SUGP2: variants seen among roughly 807,000 people sequenced by gnomAD.
The protein encoded by SUGP2 is SURP and G-patch domain-containing protein 2.
Under a neutral mutation model 90.5 loss-of-function variants are expected in SUGP2, and 24 were observed. The observed-to-expected ratio is 0.27, with a 90% CI of 0.19 to 0.37. The LOEUF (loss-of-function observed/expected upper bound fraction) is 0.37, where lower values mean the gene tolerates loss of function less well. SUGP2 is among the 10% of genes least tolerant of loss of function. The pLI is 1.00. For synonymous variants in SUGP2, 473 were observed against 513.4 expected, an observed-to-expected ratio of 0.92 and a Z score of 1.06; for missense variants, 1,233 against 1,363.3, an observed-to-expected ratio of 0.90 and a Z score of 1.51.
chr19:19,033,428 G>C lies in SUGP2; in HGVS notation c.-12+9C>G. 7.3e-7 allele frequency: 1 copy of C among 1,367,766 alleles called. No homozygotes were observed. Among genetic ancestry groups the C allele is most frequent in the Non-Finnish European group, 9.5e-7 (1 of 1,058,140 alleles). 84.7% of individuals were successfully genotyped at this position (1,367,766 alleles called of 1,614,324 possible). On this transcript the variant is annotated intron_variant, in intron 1 of 10. Transcript: ENST00000452918. Reference sequence around the variant, plus strand: ...CCACCCACCGACGACGCCAGGGCCCGGGCCTCACCCCGAGACCACCGCGCG... The same window carrying C: ...CCACCCACCGACGACGCCAGGGCCCCGGCCTCACCCCGAGACCACCGCGCG...
At chr19:19,011,097 C>T (rs1331273979) in intron 4 of SUGP2, among the ~76,000 whole-genome samples, 1 of 151,420 alleles carries the variant, frequency 6.6e-6, no homozygotes, top group Non-Finnish European at 1.5e-5. Flanking sequence ...TGTGATTGCA[C>T]CACTGCACTC....
At chr19:19,023,558 C>T (rs1251762514) in intron 3 of SUGP2, among the ~76,000 whole-genome samples, 1 of 152,136 alleles carries the variant, frequency 6.6e-6, no homozygotes. Flanking sequence ...AGACAGTGCT[C>T]TGTGTCTTTT....
intron 7 of SUGP2, chr19:19,003,640 T>G (rs1248675020): frequency 1.3e-5 from 2 of 153,036 alleles, no homozygotes; most frequent in East Asian, 1.9e-4. Flanking sequence ...AATGGTCCAC[T>G]TGAAAAGGGT....
chr19:18,996,666 C>A (rs1283027437), intron 8 of SUGP2, among the ~76,000 whole-genome samples: 3 of 152,206 alleles, frequency 2.0e-5, no homozygotes, highest in Non-Finnish European at 4.4e-5. Context: ...GATTCTCCTG[C>A]TTCAGCCTCC....
intron 8 of SUGP2, among the ~76,000 whole-genome samples, chr19:19,000,911 C>A (rs544934294): frequency 6.6e-6 from 1 of 151,938 alleles, no homozygotes; most frequent in African/African-American, 2.4e-5. Flanking sequence ...TTGCCTATTG[C>A]CCAGGCTGGT....
chr19:19,007,755 CTTTTT>C (rs34670209), intron 6 of SUGP2, among the ~76,000 whole-genome samples: 4 of 113,432 alleles, frequency 3.5e-5, no homozygotes, highest in African/African-American at 7.0e-5. Flanking sequence ...TGCACCTAGC[CTTTTT>C]TTTTTTTTTT....
chr19:19,028,124 A>G, intron 2 of SUGP2, among the ~76,000 whole-genome samples: 1 of 152,164 alleles, frequency 6.6e-6, no homozygotes, highest in East Asian at 1.9e-4. Flanking sequence ...GGCAGCTCCC[A>G]AACTCTGCTA....
chr19:18,994,227 C>G (rs1189081604), intron 10 of SUGP2, 139 bp downstream of exon 10: 2 of 1,202,018 alleles, frequency 1.7e-6, no homozygotes. Context: ...CTTTTGTTTC[C>G]CTCACAGAAT....
chr19:19,033,431 C>A lies in SUGP2; in HGVS notation c.-12+6G>T, dbSNP rs1401152171. 5 of 1,374,698 alleles carry A rather than the reference C, an allele frequency of 3.6e-6. No homozygotes were observed. The highest frequency in any genetic ancestry group is 3.8e-6 in the Non-Finnish European group (4 of 1,061,860). The allele number at this position is 1,374,698 out of a possible 1,614,324, so 85.2% of individuals were successfully genotyped here. On this transcript the variant is annotated splice_donor_region_variant and intron_variant, in intron 1 of 10. Coordinates refer to ENST00000452918, the MANE Select transcript of SUGP2 (RefSeq NM_001017392.5). Reference sequence around the variant, plus strand: ...CCCACCGACGACGCCAGGGCCCGGGCCTCACCCCGAGACCACCGCGCGCGG... The same window carrying A: ...CCCACCGACGACGCCAGGGCCCGGGACTCACCCCGAGACCACCGCGCGCGG...
intron 3 of SUGP2, among the ~76,000 whole-genome samples, chr19:19,020,478 C>G (rs1376108025): frequency 1.3e-5 from 2 of 149,248 alleles, no homozygotes; most frequent in Admixed American, 6.7e-5. Context: ...GGGTCTCACT[C>G]TGTTGCCCAG....
At chr19:19,005,823 T>C (rs1298000789) in intron 6 of SUGP2, among the ~76,000 whole-genome samples, 2 of 143,852 alleles carry the variant, frequency 1.4e-5, no homozygotes, top group African/African-American at 5.2e-5. Context: ...CACAGGCAAA[T>C]GCCACTATAC....
Position 18,991,567 on chromosome 19 carries a change from T to G in SUGP2, c.*2174A>C, listed in dbSNP as rs1474717508. ...TAAAGCATTTAACTTTTTAATAAAA[T>G]GAAGTGGAGAAAGTCAAGAATGAAC... On this transcript the variant is annotated 3_prime_UTR_variant, in exon 11 of 11. Coordinates refer to ENST00000452918, the MANE Select transcript of SUGP2 (RefSeq NM_001017392.5). The G allele has an allele frequency of 6.6e-6, 1 of 152,102 alleles. No homozygotes were observed. Among genetic ancestry groups the G allele is most frequent in the Non-Finnish European group, 1.5e-5 (1 of 68,038 alleles). 9.4% of individuals were successfully genotyped at this position (152,102 alleles called of 1,614,324 possible). A position where few individuals can be genotyped will look rare whatever the true frequency, so the allele number is the denominator to read the frequency against.
chr19:19,027,116 T>A (rs1422826117), intron 2 of SUGP2, among the ~76,000 whole-genome samples: 2 of 151,912 alleles, frequency 1.3e-5, no homozygotes, highest in Non-Finnish European at 2.9e-5. Context: ...CCTATCTCTG[T>A]CAAAAATAAA....
Position 19,028,371 on chromosome 19 carries a change from G to C in SUGP2, c.122-2145C>G, listed in dbSNP as rs560408787. Among the ~76,000 whole-genome samples, 4 of 152,294 alleles carry C rather than the reference G, an allele frequency of 2.6e-5. No homozygotes were observed. In the East Asian group the frequency reaches 7.7e-4, roughly 29 times the overall value. ...GGCTAGTGAAGAGTTCTAAGCAGAG[G>C]GATGATCTCACTGGCTGCTGCACAG... On this transcript the variant is annotated intron_variant, in intron 2 of 10. Transcript: ENST00000452918.
chr19:18,994,138 T>C (rs2057474908), intron 10 of SUGP2: 3 of 506,190 alleles, frequency 5.9e-6, no homozygotes, highest in East Asian at 3.9e-5. Flanking sequence ...GCCATGCGCA[T>C]CTGCCCTTGG....
chr19:19,030,398 G>A (rs1021112882), intron 2 of SUGP2, among the ~76,000 whole-genome samples: 2 of 152,102 alleles, frequency 1.3e-5, no homozygotes, highest in African/African-American at 4.8e-5. Flanking sequence ...GCTGAGGCAG[G>A]AGAATCGCTT....
At chr19:19,003,105 C>A (rs2057912666) in intron 7 of SUGP2, among the ~76,000 whole-genome samples, 1 of 152,184 alleles carries the variant, frequency 6.6e-6, no homozygotes, top group Admixed American at 6.6e-5. Context: ...CTGCGCCTGG[C>A]CCCATGAGAA....
intron 10 of SUGP2, chr19:18,994,065 C>T (rs2057471035): frequency 1.2e-5 from 3 of 254,262 alleles, no homozygotes; most frequent in Non-Finnish European, 2.3e-5. Context: ...CCTATTTCCA[C>T]ACGCACATCC....
rs1297056048 is a variant in SUGP2, at chr19:19,025,265, G to A, written c.1083C>T (p.Thr361=). The A allele has an allele frequency of 8.1e-6, 13 of 1,613,242 alleles. No homozygotes were observed. The highest frequency in any genetic ancestry group is 1.1e-5 in the Non-Finnish European group (13 of 1,180,002). The change falls in exon 3 of 11, where the codon ACC becomes ACT. Residue 361 remains threonine (T), a synonymous_variant. Transcript: ENST00000452918. ...FQTLFELETE[T]CAKMLASFKC... is the part of the protein sequence containing the mutation. Reference sequence around the variant, plus strand: ...TGAATGAGGCAAGCATTTTAGCACAGGTTTCTGTTTCAAGTTCAAAGAGAG... The same window carrying A: ...TGAATGAGGCAAGCATTTTAGCACAAGTTTCTGTTTCAAGTTCAAAGAGAG...
Sources: gnomAD v4.1 joint callset for allele counts (sites outside exome capture counted in the v4.1 genomes callset) on GRCh38, gnomAD v4.1.1 for gene constraint, MANE v1.5 for transcripts, NCBI Gene and HGNC (gene_info 2026-07-23, HGNC 2026-07-21) for gene names.